The following SPAG17 variants were observed in gnomAD, a reference collection of about 807,000 sequenced individuals.
The protein encoded by SPAG17 is sperm associated antigen 17.
SPAG17 carries 169 observed loss-of-function variants against 273.6 expected under a neutral mutation model. The observed-to-expected ratio is 0.62, with a 90% confidence interval of 0.55 to 0.70. The LOEUF (loss-of-function observed/expected upper bound fraction) is 0.70. Among genes scored for constraint, SPAG17 ranks in the 30% least tolerant of loss-of-function variants. The pLI is 0.00. For synonymous variants in SPAG17, 825 were observed against 873.2 expected (o/e 0.94, Z 0.97); for missense variants, 2,557 against 2,627.8 (o/e 0.97, Z 0.59).
rs76579252 is a variant in SPAG17 at position 118,034,207 on chromosome 1, T to C, written c.3434-2340A>G. On this transcript the variant is annotated intron_variant, in intron 24 of 48. Coordinates refer to ENST00000336338, the MANE Select transcript of SPAG17 (RefSeq NM_206996.4). ...GATAGCCAATGATGGATGAGACAGA[T>C]AAGGAGGGTATAATTTAGTGGGTAG... Among the ~76,000 whole-genome samples, 396 of 152,222 alleles carry C rather than the reference T, an allele frequency of 2.6e-3. 22 individuals carry two copies. The East Asian group carries it at 0.067, about 26-fold the overall frequency.
Position 118,016,250 on chromosome 1 carries a change from T to C in SPAG17, c.4070-68A>G, listed in dbSNP as rs1267755238. ...AGTATCAATTATATACATCATTCAC[T>C]ATGTTTTGACACAGTACAAACTACC... On this transcript the variant is annotated intron_variant, in intron 28 of 48. Transcript: ENST00000336338. 4.7e-6 allele frequency: 6 copies of C among 1,281,360 alleles called. No individual in the cohort carries two copies. In the African/African-American group the frequency reaches 8.8e-5, roughly 19 times the overall value. The allele number at this position is 1,281,360 out of a possible 1,614,324, so 79.4% of individuals were successfully genotyped here.
Position 118,023,297 on chromosome 1 carries a change from T to A in SPAG17, c.4069+7A>T. ...TCCATAATAAACTGAGAGGCTTCAA[T>A]TGTTACCTTTCTTTGTGTTGGTAAT... On this transcript the variant is annotated splice_region_variant and intron_variant, in intron 28 of 48. Transcript: ENST00000336338. 1.9e-6 allele frequency: 3 copies of A among 1,607,970 alleles called. No homozygotes were observed. The highest frequency in any genetic ancestry group is 2.5e-6 in the Non-Finnish European group (3 of 1,176,616).
Position 118,086,961 on chromosome 1 carries a change from T to C in SPAG17, c.1407A>G (p.Pro469=), listed in dbSNP as rs769827451. 1.9e-6 allele frequency: 3 copies of C among 1,590,490 alleles called. No individual in the cohort carries two copies. Among genetic ancestry groups the C allele is most frequent in the South Asian group, 2.3e-5 (2 of 87,678 alleles). ...EDLVPPSLRE[P]SPRADGLDHR... ...GGTCTAGCCCGTCTGCTCTGGGGGA[T>C]GGCTCCCGCAGACTGGGTGGGACGA... Residue 469 remains proline, a synonymous_variant, in exon 11 of 49, where the codon CCA becomes CCG. Coordinates refer to ENST00000336338, the MANE Select transcript of SPAG17 (RefSeq NM_206996.4).
intron 32 of SPAG17, among the ~76,000 whole-genome samples, chr1:118,003,703 T>G (rs1309753779): frequency 6.6e-6 from 1 of 152,232 alleles, no homozygotes; most frequent in Non-Finnish European, 1.5e-5. Context: ...TTATTCTACT[T>G]AGCCATTCGT....
At chr1:118,015,085 G>A (rs988722834) in intron 29 of SPAG17, among the ~76,000 whole-genome samples, 1 of 152,114 alleles carries the variant, frequency 6.6e-6, no homozygotes, top group Admixed American at 6.5e-5. Context: ...AGGAGTTGGA[G>A]GCTAGCTTGG....
At chr1:117,959,557 C>T in intron 48 of SPAG17, 1 of 1,181,628 alleles carries the variant, frequency 8.5e-7, no homozygotes, top group Non-Finnish European at 1.1e-6. Context: ...CAGAAGATCG[C>T]ATTGCAGATG....
chr1:118,102,605 C>T (rs1272569465), intron 4 of SPAG17, among the ~76,000 whole-genome samples: 3 of 152,170 alleles, frequency 2.0e-5, no homozygotes, highest in Non-Finnish European at 4.4e-5. Flanking sequence ...GAATTCCTTC[C>T]ATGATGCTCT....
chr1:118,081,001 A>G (rs1654508143), intron 15 of SPAG17, 100 bp downstream of exon 15: 6 of 935,890 alleles, frequency 6.4e-6, no homozygotes, highest in Non-Finnish European at 9.9e-6. Flanking sequence ...CAAATAACTT[A>G]AATTCAAATA....
At chr1:117,973,021 A>G (rs576397775) in intron 44 of SPAG17, among the ~76,000 whole-genome samples, 3 of 152,348 alleles carry the variant, frequency 2.0e-5, no homozygotes, top group Admixed American at 6.5e-5. Context: ...ACGGTGGCCA[A>G]TGATTCCTTT....
intron 23 of SPAG17, among the ~76,000 whole-genome samples, 197 bp from the exon 24 acceptor site, chr1:118,037,080 T>A (rs1403568549): frequency 6.6e-6 from 1 of 152,154 alleles, no homozygotes. Flanking sequence ...ATGAAACTCT[T>A]GTTTTAGGGA....
chr1:117,958,481 T>C (rs907487108), intron 48 of SPAG17, among the ~76,000 whole-genome samples: 3 of 152,216 alleles, frequency 2.0e-5, no homozygotes, highest in African/African-American at 7.2e-5. Flanking sequence ...TCATCAAGGA[T>C]ATCTTGGTAC....
chr1:118,124,949 C>T (rs929486895), intron 3 of SPAG17, among the ~76,000 whole-genome samples: 2 of 152,152 alleles, frequency 1.3e-5, no homozygotes, highest in African/African-American at 4.8e-5. Flanking sequence ...TGGATGTGTC[C>T]TAGTCCCTCC....
chr1:118,150,114 G>C (rs1434725794), intron 3 of SPAG17, among the ~76,000 whole-genome samples: 2 of 152,118 alleles, frequency 1.3e-5, no homozygotes, highest in Non-Finnish European at 2.9e-5. Context: ...CTGTACCTCT[G>C]TCTTATACAA....
At chr1:118,087,038 T>C in intron 10 of SPAG17, 30 bp from the exon 11 acceptor site, 1 of 1,539,000 alleles carries the variant, frequency 6.5e-7, no homozygotes, top group Non-Finnish European at 8.7e-7. Context: ...GAGGAATTGG[T>C]GTAAGGGTCC....
At chr1:117,958,598 T>C (rs1315036259) in intron 48 of SPAG17, among the ~76,000 whole-genome samples, 1 of 152,214 alleles carries the variant, frequency 6.6e-6, no homozygotes. Context: ...GCTCATTCTG[T>C]CTTTGAGTTT....
chr1:117,981,418 G>C lies in SPAG17; in HGVS notation c.5873-17C>G, dbSNP rs1655789117. The stretch of plus-strand genomic sequence containing the variant: ...GCTTGAAATCTAGAAAACCCAAAAT[G>C]AACCTTATAAAGTGATATTTTGTAA... On this transcript the variant is annotated splice_polypyrimidine_tract_variant and intron_variant, in intron 42 of 48. Coordinates refer to ENST00000336338, the MANE Select transcript of SPAG17 (RefSeq NM_206996.4). The C allele has an allele frequency of 4.4e-6, 7 of 1,587,322 alleles. No homozygotes were observed. Among genetic ancestry groups the C allele is most frequent in the Non-Finnish European group, 6.0e-6 (7 of 1,173,128 alleles).
At chr1:117,956,806 T>G (rs1317386923) in intron 48 of SPAG17, among the ~76,000 whole-genome samples, 1 of 152,164 alleles carries the variant, frequency 6.6e-6, no homozygotes, top group Non-Finnish European at 1.5e-5. Flanking sequence ...ACAAAAGGCT[T>G]TGGAGATATT....
rs370601357 is a variant in SPAG17 at position 117,987,845 on chromosome 1, T to C, written c.5658A>G (p.Ile1886Met). The change falls in exon 40 of 49, where the codon ATA becomes ATG. Residue 1886 changes from isoleucine (I) to methionine (M), a missense_variant. Physicochemically the swap from Ile to Met is conservative, Grantham distance 10 (BLOSUM62 1). Transcript: ENST00000336338. ...TASSKRWKEK[I>M]DKTRKEIETT... The stretch of plus-strand genomic sequence containing the variant: ...TGGGGTATAATTACCTCGTTTTGTC[T>C]ATCTTTTCTTTCCAGCGTTTTGAGG... 1.0e-4 allele frequency: 167 copies of C among 1,612,264 alleles called. No homozygotes were observed. Among genetic ancestry groups the C allele is most frequent in the Non-Finnish European group, 1.4e-4 (161 of 1,178,660 alleles).
At chr1:117,955,693 A>AT (rs1040612211) in intron 48 of SPAG17, among the ~76,000 whole-genome samples, 6 of 152,010 alleles carry the variant, frequency 3.9e-5, no homozygotes, top group Non-Finnish European at 8.8e-5. Flanking sequence ...CAATTGGAAT[A>AT]TTATATAAAG....
Sources: allele counts gnomAD v4.1 joint callset (sites outside exome capture counted in the v4.1 genomes callset), GRCh38; gene constraint gnomAD v4.1.1; transcripts MANE v1.5; gene names NCBI Gene and HGNC (gene_info 2026-07-23, HGNC 2026-07-21).